The following FAIM2 variants were observed in gnomAD, a reference collection of about 807,000 sequenced individuals.
FAIM2 encodes protein lifeguard 2.
In FAIM2, 27 loss-of-function variants were observed where a neutral mutation model predicts 47.4. That is an observed-to-expected ratio of 0.57 (90% CI 0.42 to 0.78). The LOEUF (loss-of-function observed/expected upper bound fraction) is 0.78, where lower values mean the gene tolerates loss of function less well. Among genes scored for constraint, FAIM2 ranks in the 30% least tolerant of loss-of-function variants. The pLI is 0.00. For synonymous variants in FAIM2, 156 were observed against 159.3 expected, an observed-to-expected ratio of 0.98 and a Z score of 0.16; for missense variants, 311 against 389.4, an observed-to-expected ratio of 0.80 and a Z score of 1.69.
Position 49,869,960 on chromosome 12 carries a change from A to G in FAIM2, c.*544T>C, listed in dbSNP as rs1946690276. 6.5e-6 allele frequency: 1 copy of G among 153,004 alleles called. No individual in the cohort carries two copies. The highest frequency in any genetic ancestry group is 2.1e-4 in the South Asian group (1 of 4,862). 9.5% of individuals were successfully genotyped at this position (153,004 alleles called of 1,614,324 possible). A position where few individuals can be genotyped will look rare whatever the true frequency, so the allele number is the denominator to read the frequency against. On this transcript the variant is annotated 3_prime_UTR_variant, in exon 12 of 12. Transcript: ENST00000320634. ...AAGCCGCTGGTCCCAGAGCCAAGAGAAGATGGGCAGACTGGGACAGCCATC... is the reference window on the plus strand; with the variant it reads ...AAGCCGCTGGTCCCAGAGCCAAGAGGAGATGGGCAGACTGGGACAGCCATC...
chr12:49,897,499 G>A lies in FAIM2; in HGVS notation c.380+20C>T, dbSNP rs747196341. 3 of 1,611,798 alleles carry A rather than the reference G, an allele frequency of 1.9e-6. No individual in the cohort carries two copies. In the Admixed American group the frequency reaches 5.0e-5, roughly 27 times the overall value. On this transcript the variant is annotated intron_variant, in intron 4 of 11. Transcript: ENST00000320634. ...GCCATAGTCATCCCTGGAAGGTGCT[G>A]GTCCATGCTGCCAACTCACCAGAAA...
chr12:49,902,708 C>T (rs929679269), intron 1 of FAIM2: 1 of 152,060 alleles, frequency 6.6e-6, no homozygotes, highest in African/African-American at 2.4e-5. Context: ...CTCCCCAGCC[C>T]CCCTCATCAC....
chr12:49,891,085 A>G lies in FAIM2; in HGVS notation c.464T>C (p.Leu155Pro). Residue 155 changes from leucine to proline, a missense_variant, in exon 6 of 12, where the codon CTG (leucine) becomes CCG (proline). Leu to Pro is a moderately conservative substitution (Grantham distance 98). Coordinates refer to ENST00000320634, the MANE Select transcript of FAIM2 (RefSeq NM_012306.4). ...ATACCTGGGTCCAGAACAGCAAGCC[A>G]GGGTCAGGTAGGTTGCAAAGAACAC... ...YAVFFATYLT[L>P]ACCSGPRRHF... The G allele has an allele frequency of 6.2e-7, 1 of 1,614,152 alleles. No homozygotes were observed. Among genetic ancestry groups the G allele is most frequent in the African/African-American group, 1.3e-5 (1 of 75,048 alleles).
At position 49,901,333 on chromosome 12, in the gene FAIM2, G is replaced by T; in HGVS notation, c.16-8C>A. The T allele has an allele frequency of 6.4e-7, 1 of 1,553,786 alleles. No individual in the cohort carries two copies. On this transcript the variant is annotated splice_polypyrimidine_tract_variant and splice_region_variant and intron_variant, in intron 1 of 11. Transcript: ENST00000320634. Reference sequence around the variant, plus strand: ...CTTGTTAGCCACGGAGAGCTATGGAGTAGAGTCAGAGAGAGAGATAGTCAC... The same window carrying T: ...CTTGTTAGCCACGGAGAGCTATGGATTAGAGTCAGAGAGAGAGATAGTCAC...
chr12:49,891,181 C>T, intron 5 of FAIM2, 67 bp from the exon 6 acceptor site: 2 of 1,454,534 alleles, frequency 1.4e-6, no homozygotes, highest in South Asian at 1.1e-5. Context: ...AGATCCCCTG[C>T]TTATGCCACT....
chr12:49,897,743 A>T (rs1017757999), intron 3 of FAIM2, 160 bp from the exon 4 acceptor site: 1 of 646,710 alleles, frequency 1.5e-6, no homozygotes, highest in Admixed American at 2.8e-5. Context: ...AGGAAAGCAA[A>T]GATGCTGCAG....
chr12:49,896,957 G>T, intron 5 of FAIM2, 74 bp downstream of exon 5: 1 of 1,266,222 alleles, frequency 7.9e-7, no homozygotes, highest in Non-Finnish European at 1.2e-6. Flanking sequence ...ATTAGGTCAA[G>T]AAAGACACAG....
rs117428199 is a variant in FAIM2 at position 49,897,541 on chromosome 12, C to T, written c.358G>A (p.Val120Ile). Residue 120 changes from valine (V) to isoleucine (I), a missense_variant, in exon 4 of 12, where the codon GTC becomes ATC. Physicochemically the swap from Val to Ile is conservative, Grantham distance 29. Coordinates refer to ENST00000320634, the MANE Select transcript of FAIM2 (RefSeq NM_012306.4). ...LLIQLLVTLA[V>I]VALFTFCDPV... Reference sequence around the variant, plus strand: ...CACCAGAAAGTAAAGAGAGCCACGACAGCCAAGGTCACCAGCAGCTGAATC... The same window carrying T: ...CACCAGAAAGTAAAGAGAGCCACGATAGCCAAGGTCACCAGCAGCTGAATC... 455 of 1,614,160 alleles carry T rather than the reference C, an allele frequency of 2.8e-4. 3 individuals are homozygous for T. The highest frequency in any genetic ancestry group is 3.7e-4 in the Non-Finnish European group (439 of 1,180,002).
intron 5 of FAIM2, among the ~76,000 whole-genome samples, chr12:49,896,562 G>C (rs1024173600): frequency 1.3e-5 from 2 of 152,180 alleles, no homozygotes; most frequent in African/African-American, 4.8e-5. Flanking sequence ...TGTGAGGACC[G>C]AATGCAATAC....
At chr12:49,891,155 C>T in intron 5 of FAIM2, 41 bp from the exon 6 acceptor site, 1 of 1,590,334 alleles carries the variant, frequency 6.3e-7, no homozygotes, top group Non-Finnish European at 8.6e-7. Context: ...CCAGCCTCTC[C>T]TGGGTCCCTC....
intron 10 of FAIM2, 49 bp downstream of exon 10, chr12:49,889,058 T>TG: frequency 1.4e-6 from 2 of 1,426,010 alleles, no homozygotes; most frequent in Non-Finnish European, 1.9e-6. Flanking sequence ...CTTGGGCCAG[T>TG]GGGGCCCCTC....
chr12:49,874,982 G>A lies in FAIM2; in HGVS notation c.802-4329C>T, dbSNP rs1370491249. Among the ~76,000 whole-genome samples the A allele has an allele frequency of 6.6e-6, 1 of 152,168 alleles. No homozygotes were observed. Among genetic ancestry groups the A allele is most frequent in the Non-Finnish European group, 1.5e-5 (1 of 68,030 alleles). ...TCCCATAAAACTATACACGTCAGAG[G>A]AGCGCACATAGCAAATATCTATGAA... On this transcript the variant is annotated intron_variant, in intron 11 of 11. Coordinates refer to ENST00000320634, the MANE Select transcript of FAIM2 (RefSeq NM_012306.4). The surrounding 1 kb of genome is among the most constrained non-coding windows in gnomAD (Gnocchi z 4.2).
At chr12:49,882,909 GAGCAAC>G (rs1432107360) in intron 11 of FAIM2, among the ~76,000 whole-genome samples, 1 of 152,182 alleles carries the variant, frequency 6.6e-6, no homozygotes, top group African/African-American at 2.4e-5. Context: ...GACAGACAAT[GAGCAAC>G]AGATCAGAAA....
At chr12:49,896,939 G>T in intron 5 of FAIM2, 92 bp downstream of exon 5, 1 of 1,032,370 alleles carries the variant, frequency 9.7e-7, no homozygotes. Flanking sequence ...GGGAAGCTAC[G>T]GGCTCAGATT....
rs149546128 is a variant in FAIM2 at position 49,874,911 on chromosome 12, G to A, written c.802-4258C>T. 2.0e-5 allele frequency among the ~76,000 whole-genome samples: 3 copies of A among 152,224 alleles called. No individual in the cohort carries two copies. The highest frequency in any genetic ancestry group is 4.8e-5 in the African/African-American group (2 of 41,534). On this transcript the variant is annotated intron_variant, in intron 11 of 11. Coordinates refer to ENST00000320634, the MANE Select transcript of FAIM2 (RefSeq NM_012306.4). This position sits in a 1 kb window ranked among gnomAD's most constrained non-coding sequence, Gnocchi z 4.2. ...TGAGGTGGAAACATCTGTGACAGAC[G>A]CTACTGTGAGAAAAAAGCAAGTTGT...
chr12:49,897,610 C>T, intron 3 of FAIM2, 27 bp from the exon 4 acceptor site: 1 of 1,587,244 alleles, frequency 6.3e-7, no homozygotes, highest in Non-Finnish European at 8.6e-7. Flanking sequence ...TTCTACTCAG[C>T]TTGGGGGGCC....
At chr12:49,897,333 C>G (rs566833974) in intron 4 of FAIM2, among the ~76,000 whole-genome samples, 186 bp downstream of exon 4, 59 of 152,274 alleles carry the variant, frequency 3.9e-4, no homozygotes, top group African/African-American at 1.3e-3. Flanking sequence ...CAGGGTCCAC[C>G]CCACACTGGA....
intron 11 of FAIM2, among the ~76,000 whole-genome samples, chr12:49,879,860 G>A (rs1946793554): frequency 6.6e-6 from 1 of 151,784 alleles, no homozygotes; most frequent in Non-Finnish European, 1.5e-5. Flanking sequence ...GTATGTTCAT[G>A]TGTATATGTA....
intron 10 of FAIM2, among the ~76,000 whole-genome samples, chr12:49,888,075 A>G (rs1592790705): frequency 6.6e-6 from 1 of 152,290 alleles, no homozygotes; most frequent in East Asian, 1.9e-4. Context: ...AGGGCCCTCC[A>G]TGGGGCCCTC....
Sources: allele counts gnomAD v4.1 joint callset (sites outside exome capture counted in the v4.1 genomes callset), GRCh38; gene constraint gnomAD v4.1.1; non-coding constraint Gnocchi (gnomAD v3.1); transcripts MANE v1.5; gene names NCBI Gene and HGNC (gene_info 2026-07-23, HGNC 2026-07-21).